Variants in CCSER1 observed in about 807,000 individuals in gnomAD.
CCSER1 encodes the protein serine-rich coiled-coil domain-containing protein 1.
In CCSER1, 41 loss-of-function variants were observed where a neutral mutation model predicts 82.0. The ratio of observed to expected loss-of-function variants is 0.50; its 90% CI spans 0.39 to 0.65. CCSER1 has a LOEUF of 0.65. Among genes scored for constraint, CCSER1 ranks in the 30% least tolerant of loss-of-function variants. The pLI is 0.00. For missense variants in CCSER1, 1,119 were observed against 1,064.2 expected, an observed-to-expected ratio of 1.05 and a Z score of -0.72; for synonymous variants, 414 against 383.9, an observed-to-expected ratio of 1.08 and a Z score of -0.92.
At chr4:91,160,892 A>T (rs572049558) in intron 10 of CCSER1, among the ~76,000 whole-genome samples, 126 of 152,106 alleles carry the variant, frequency 8.3e-4, no homozygotes, top group Non-Finnish European at 1.3e-3. Flanking sequence ...GCTGTGCAGG[A>T]GCCCTTTAGT....
intron 8 of CCSER1, among the ~76,000 whole-genome samples, chr4:90,822,727 CAAAAA>C (rs58985334): frequency 7.8e-5 from 6 of 76,838 alleles, no homozygotes; most frequent in African/African-American, 2.9e-4. Flanking sequence ...GACTCCATCT[CAAAAA>C]AAAAAAAAAA....
chr4:91,191,079 A>G (rs560797339), intron 10 of CCSER1, among the ~76,000 whole-genome samples: 8 of 152,310 alleles, frequency 5.3e-5, no homozygotes, highest in African/African-American at 1.7e-4. Context: ...ACTTAATAGT[A>G]TTGTTTGATG....
intron 10 of CCSER1, among the ~76,000 whole-genome samples, chr4:91,219,332 T>TA (rs1553913552): frequency 0.012 from 1,772 of 142,302 alleles, 48 homozygotes; most frequent in African/African-American, 0.046. Context: ...TTTTTTTTTT[T>TA]AAAACAGTCT....
At chr4:91,412,692 A>T (rs1276805686) in intron 10 of CCSER1, among the ~76,000 whole-genome samples, 1 of 152,096 alleles carries the variant, frequency 6.6e-6, no homozygotes, top group Non-Finnish European at 1.5e-5. Context: ...AAGCAACTTT[A>T]TCATCCCAGA....
At chr4:90,408,007 G>T (rs111428784) in intron 4 of CCSER1, among the ~76,000 whole-genome samples, 1 of 152,170 alleles carries the variant, frequency 6.6e-6, no homozygotes, top group East Asian at 1.9e-4. Context: ...TGGCTCAGAG[G>T]GTCCTACGTC....
chr4:90,407,595 T>C (rs1313628661), intron 4 of CCSER1, among the ~76,000 whole-genome samples: 1 of 151,940 alleles, frequency 6.6e-6, no homozygotes, highest in Non-Finnish European at 1.5e-5. Flanking sequence ...GATGCAAAAA[T>C]TCTCAGAAAA....
At chr4:91,545,412 G>T (rs1009538228) in intron 10 of CCSER1, among the ~76,000 whole-genome samples, 2 of 152,116 alleles carry the variant, frequency 1.3e-5, no homozygotes, top group Non-Finnish European at 2.9e-5. Flanking sequence ...CGCTTACACT[G>T]GGAGCTGTAG....
At chr4:90,694,874 C>A (rs1736726957) in intron 6 of CCSER1, among the ~76,000 whole-genome samples, 1 of 151,072 alleles carries the variant, frequency 6.6e-6, no homozygotes, top group Non-Finnish European at 1.5e-5. Context: ...AAAAAGCTGG[C>A]TATGATCCTC....
chr4:91,039,992 C>T (rs1741822881), intron 9 of CCSER1, among the ~76,000 whole-genome samples: 1 of 152,070 alleles, frequency 6.6e-6, no homozygotes, highest in Non-Finnish European at 1.5e-5. Context: ...AAACTCTATT[C>T]TAATATTTAA....
At chr4:91,485,883 A>G (rs1758193482) in intron 10 of CCSER1, among the ~76,000 whole-genome samples, 1 of 152,120 alleles carries the variant, frequency 6.6e-6, no homozygotes, top group Admixed American at 6.5e-5. Context: ...TAGACCAAAA[A>G]GACTAATAAT....
intron 6 of CCSER1, among the ~76,000 whole-genome samples, chr4:90,637,892 T>G (rs1401878543): frequency 1.3e-5 from 2 of 152,184 alleles, no homozygotes; most frequent in Non-Finnish European, 2.9e-5. Flanking sequence ...AAGGCCCTTT[T>G]CATTTTACTC....
intron 8 of CCSER1, among the ~76,000 whole-genome samples, chr4:90,911,011 T>C (rs931801056): frequency 1.3e-5 from 2 of 152,204 alleles, no homozygotes; most frequent in Non-Finnish European, 2.9e-5. Flanking sequence ...TTGGAAAGTA[T>C]ACTTTGATAA....
At chr4:90,910,325 A>C (rs547534375) in intron 8 of CCSER1, among the ~76,000 whole-genome samples, 1 of 152,322 alleles carries the variant, frequency 6.6e-6, no homozygotes, top group East Asian at 1.9e-4. Context: ...ACAAAAAGCA[A>C]AACAAAACTA....
chr4:90,822,500 G>T (rs532689479), intron 8 of CCSER1, among the ~76,000 whole-genome samples: 1 of 152,082 alleles, frequency 6.6e-6, no homozygotes, highest in South Asian at 2.1e-4. Flanking sequence ...AGGCCAAGGC[G>T]GGCGAATCAC....
At chr4:90,585,714 C>A (rs147346938) in intron 5 of CCSER1, among the ~76,000 whole-genome samples, 21 of 152,046 alleles carry the variant, frequency 1.4e-4, no homozygotes, top group Admixed American at 3.9e-4. Context: ...AAGTAACATA[C>A]GGGTGTGTGA....
chr4:90,914,647 G>C (rs527779451), intron 8 of CCSER1, among the ~76,000 whole-genome samples: 3 of 149,096 alleles, frequency 2.0e-5, no homozygotes, highest in Non-Finnish European at 3.0e-5. Context: ...TAAGATCAGA[G>C]CAGAATTGAA....
chr4:90,237,296 A>G (rs912380410), intron 1 of CCSER1, among the ~76,000 whole-genome samples: 3 of 152,186 alleles, frequency 2.0e-5, no homozygotes, highest in Non-Finnish European at 4.4e-5. Flanking sequence ...GTTTATGAGT[A>G]CTTAATATCC....
chr4:91,469,923 A>T (rs892575222), intron 10 of CCSER1, among the ~76,000 whole-genome samples: 2 of 152,208 alleles, frequency 1.3e-5, no homozygotes, highest in Non-Finnish European at 2.9e-5. Context: ...TTCATAAGCT[A>T]TGAAACTCCA....
chr4:90,516,124 G>A (rs1221086964), intron 5 of CCSER1, among the ~76,000 whole-genome samples: 1 of 152,120 alleles, frequency 6.6e-6, no homozygotes, highest in Non-Finnish European at 1.5e-5. Flanking sequence ...GACTGTGTGG[G>A]TAGGCCCTTT....
Sources: gnomAD v4.1 joint callset for allele counts (sites outside exome capture counted in the v4.1 genomes callset) on GRCh38, gnomAD v4.1.1 for gene constraint, MANE v1.5 for transcripts, NCBI Gene and HGNC (gene_info 2026-07-23, HGNC 2026-07-21) for gene names.